The following SEMA4F variants were observed in gnomAD, a reference collection of about 807,000 sequenced individuals.
The protein encoded by SEMA4F is semaphorin-4F.
Under a neutral mutation model 78.4 loss-of-function variants are expected in SEMA4F, and 51 were observed. The observed-to-expected ratio is 0.65, with a 90% CI of 0.52 to 0.82. The LOEUF is 0.82. Among genes scored for constraint, SEMA4F ranks in the 40% least tolerant of loss-of-function variants. SEMA4F has a pLI of 0.00. For synonymous variants in SEMA4F, 418 were observed against 408.7 expected (o/e 1.02, Z -0.27); for missense variants, 938 against 1,014.4 (o/e 0.92, Z 1.02).
intron 5 of SEMA4F, among the ~76,000 whole-genome samples, chr2:74,670,661 T>C (rs1684939023): frequency 6.6e-6 from 1 of 152,230 alleles, no homozygotes; most frequent in Non-Finnish European, 1.5e-5. Context: ...ATTCTTAGGG[T>C]ATCCATGACA....
downstream of SEMA4F, among the ~76,000 whole-genome samples, chr2:74,685,493 T>TA (rs1685803566): frequency 1.3e-5 from 2 of 152,144 alleles, no homozygotes; most frequent in Admixed American, 1.3e-4. Context: ...CTCAGCTCTG[T>TA]AGGGTAGAGA....
At chr2:74,663,257 G>C (rs1684518358) in intron 5 of SEMA4F, among the ~76,000 whole-genome samples, 2 of 152,214 alleles carry the variant, frequency 1.3e-5, no homozygotes, top group Non-Finnish European at 2.9e-5. Context: ...CAATACAGTA[G>C]CCACTAGCTA....
chr2:74,655,911 A>G (rs1392772380), intron 1 of SEMA4F, among the ~76,000 whole-genome samples: 1 of 152,120 alleles, frequency 6.6e-6, no homozygotes, highest in African/African-American at 2.4e-5. Context: ...GTGCAAGGGT[A>G]GGGTCCCCAG....
rs540120853 is a variant in SEMA4F, at chr2:74,654,335, G to C, written c.-42G>C. 1.1e-5 allele frequency: 16 copies of C among 1,440,736 alleles called. No homozygotes were observed. The South Asian group carries it at 2.0e-4, about 18-fold the overall frequency. 89.2% of individuals were successfully genotyped at this position (1,440,736 alleles called of 1,614,324 possible). On this transcript the variant is annotated 5_prime_UTR_variant, in exon 1 of 14. Transcript: ENST00000357877. Reference sequence around the variant, plus strand: ...CAGTAGCCCCGGGGCCCTGAGCAGAGGCCGTAGCTTGCGCCGCACCCGCGG... The same window carrying C: ...CAGTAGCCCCGGGGCCCTGAGCAGACGCCGTAGCTTGCGCCGCACCCGCGG...
At chr2:74,655,796 G>C (rs569824580) in intron 1 of SEMA4F, among the ~76,000 whole-genome samples, 3 of 152,112 alleles carry the variant, frequency 2.0e-5, no homozygotes, top group Non-Finnish European at 4.4e-5. Flanking sequence ...TGGGAGGAAG[G>C]AGTGGGCGGG....
the SEMA4F span, among the ~76,000 whole-genome samples, chr2:74,692,945 C>T: frequency 1.3e-5 from 2 of 152,184 alleles, no homozygotes; most frequent in African/African-American, 2.4e-5. Context: ...CAATTACATA[C>T]ATATGCTCGT....
chr2:74,656,658 GC>G lies in SEMA4F; in HGVS notation c.273del (p.Phe92SerfsTer90), dbSNP rs752875670. 3 of 1,614,144 alleles carry G rather than the reference GC, an allele frequency of 1.9e-6. No individual in the cohort carries two copies. The highest frequency in any genetic ancestry group is 1.1e-5 in the South Asian group (1 of 91,074). The part of the protein sequence containing the change: ...ARDTIFALSL[P>X]FSGERPRRID... The stretch of plus-strand genomic sequence containing the variant: ...GGGACACCATCTTCGCTTTATCCCT[GC>G]CCTTCTCAGGGGAGAGACCCCGCAG... On this transcript the variant is annotated frameshift_variant, in exon 2 of 14. Coordinates refer to ENST00000357877, the MANE Select transcript of SEMA4F (RefSeq NM_004263.5). LOFTEE classifies it high-confidence loss of function.
chr2:74,700,212 C>T, the SEMA4F span, among the ~76,000 whole-genome samples: 1 of 152,182 alleles, frequency 6.6e-6, no homozygotes, highest in African/African-American at 2.4e-5. Context: ...GGATGGGCTT[C>T]AGAGCAGACA....
chr2:74,680,094 G>C lies in SEMA4F; in HGVS notation c.2198G>C (p.Arg733Thr). The C allele has an allele frequency of 6.2e-7, 1 of 1,613,974 alleles. No homozygotes were observed. The change falls in exon 14 of 14, where the codon AGG becomes ACG. Residue 733 changes from arginine to threonine, a missense_variant. Arg to Thr is a moderately conservative substitution (Grantham distance 71). Coordinates refer to ENST00000357877, the MANE Select transcript of SEMA4F (RefSeq NM_004263.5). ...DERLPLALAK[R>T]GSGFGGFSPP... ...CGGTTGCCGCTGGCCCTGGCCAAGAGGGGCAGTGGCTTTGGTGGATTCTCA... is the reference window on the plus strand; with the variant it reads ...CGGTTGCCGCTGGCCCTGGCCAAGACGGGCAGTGGCTTTGGTGGATTCTCA...
intron 5 of SEMA4F, 140 bp from the exon 6 acceptor site, chr2:74,673,317 T>G: frequency 1.0e-6 from 1 of 973,000 alleles, no homozygotes; most frequent in African/African-American, 1.6e-5. Flanking sequence ...ATGCCTGTGA[T>G]GTGCTCAGCA....
At chr2:74,659,714 A>G (rs1309481273) in intron 4 of SEMA4F, among the ~76,000 whole-genome samples, 1 of 152,160 alleles carries the variant, frequency 6.6e-6, no homozygotes, top group Non-Finnish European at 1.5e-5. Flanking sequence ...AACCTGTCTT[A>G]TCCTACTACC....
At position 74,674,510 on chromosome 2, in the gene SEMA4F, G is replaced by A. The variant is rs771416005; in HGVS notation, c.835G>A (p.Gly279Ser). The change falls in exon 8 of 14, where the codon GGC becomes AGC. Residue 279 changes from glycine (G) to serine (S), a missense_variant. Physicochemically the swap from Gly to Ser is moderately conservative, Grantham distance 56. Transcript: ENST00000357877. ...TTTGTCACCCCAGGGGGACCTCGGG[G>A]GCCGGAAGACCCTCCAGCAGAGATG... ...VARVCAGDLG[G>S]RKTLQQRWTT... The A allele has an allele frequency of 1.6e-5, 25 of 1,612,828 alleles. No individual in the cohort carries two copies. The highest frequency in any genetic ancestry group is 3.3e-5 in the Admixed American group (2 of 59,824).
chr2:74,689,699 AAAGAG>A, the SEMA4F span, among the ~76,000 whole-genome samples: 1 of 152,240 alleles, frequency 6.6e-6, no homozygotes, highest in Non-Finnish European at 1.5e-5. Flanking sequence ...AAACAATAAG[AAAGAG>A]AAAAGTGTTT....
At chr2:74,696,254 G>A in the SEMA4F span, among the ~76,000 whole-genome samples, 2 of 144,992 alleles carry the variant, frequency 1.4e-5, no homozygotes, top group African/African-American at 5.2e-5. Flanking sequence ...GGAGTGCAGT[G>A]GTATGATCTT....
chr2:74,657,099 A>G (rs1242571320), intron 2 of SEMA4F, among the ~76,000 whole-genome samples: 1 of 152,242 alleles, frequency 6.6e-6, no homozygotes, highest in Non-Finnish European at 1.5e-5. Flanking sequence ...TTGTGTGCCA[A>G]CATGGCACTC....
Position 74,679,913 on chromosome 2 carries a change from G to A in SEMA4F, c.2017G>A (p.Ala673Thr), listed in dbSNP as rs1275571318. Residue 673 changes from alanine (A) to threonine (T), a missense_variant, in exon 14 of 14, where the codon GCA becomes ACA. Physicochemically the swap from Ala to Thr is moderately conservative, Grantham distance 58. Transcript: ENST00000357877. ...LAGFFLGILAASLTLILIGRR... is the reference protein window; with the variant it reads ...LAGFFLGILATSLTLILIGRR... ...TGGCTTCTTCTTGGGGATTCTCGCA[G>A]CATCCCTGACTCTCATTCTGATTGG... is the stretch of plus-strand genomic sequence containing the variant. The A allele has an allele frequency of 6.2e-7, 1 of 1,614,090 alleles. No homozygotes were observed. Among genetic ancestry groups the A allele is most frequent in the Non-Finnish European group, 8.5e-7 (1 of 1,180,060 alleles).
the SEMA4F span, among the ~76,000 whole-genome samples, chr2:74,691,962 G>A: frequency 1.3e-5 from 2 of 152,298 alleles, no homozygotes; most frequent in South Asian, 4.1e-4. Context: ...CCTGTCGGGG[G>A]TAACAGTGTC....
chr2:74,654,566 C>T, intron 1 of SEMA4F, 45 bp downstream of exon 1: 1 of 1,461,298 alleles, frequency 6.8e-7, no homozygotes, highest in Non-Finnish European at 9.1e-7. Context: ...CGCCCACACC[C>T]ACACCCACAC....
At chr2:74,676,192 T>C (rs1685272673) in intron 12 of SEMA4F, among the ~76,000 whole-genome samples, 1 of 152,212 alleles carries the variant, frequency 6.6e-6, no homozygotes, top group African/African-American at 2.4e-5. Context: ...TTACAAGAGC[T>C]CTTGGAAGTG....
Sources: allele counts gnomAD v4.1 joint callset (sites outside exome capture counted in the v4.1 genomes callset), GRCh38; gene constraint gnomAD v4.1.1; transcripts MANE v1.5; gene names NCBI Gene and HGNC (gene_info 2026-07-23, HGNC 2026-07-21).